Variants in APOLD1 observed in about 807,000 individuals in gnomAD.
APOLD1 encodes apolipoprotein L domain-containing protein 1.
In APOLD1, 22 loss-of-function variants were observed where a neutral mutation model predicts 15.3. The ratio of observed to expected loss-of-function variants is 1.44; its 90% CI spans 1.03 to 2.05. The LOEUF (loss-of-function observed/expected upper bound fraction) is 2.05, where lower values mean the gene tolerates loss of function less well. APOLD1 is among the 30% of genes most tolerant of loss of function. The pLI, the probability that APOLD1 is intolerant of heterozygous loss-of-function variation, is 0.00. For missense variants in APOLD1, 394 were observed against 353.5 expected (o/e 1.11, Z -0.92); for synonymous variants, 190 against 167.4 (o/e 1.13, Z -1.04).
chr12:12,777,262 C>T (rs1947043650), intron 1 of APOLD1, among the ~76,000 whole-genome samples: 1 of 152,196 alleles, frequency 6.6e-6, no homozygotes, highest in South Asian at 2.1e-4. Context: ...GGCACTTGAC[C>T]TAAGCTCAGC....
rs761360161 is a variant in APOLD1, at chr12:12,785,663, T to C, written c.-29T>C. ...CACTCATCCAGAAACAGCCTCAGAT[T>C]TTACTTTCCTGGAGGCAGACAGAAG... On this transcript the variant is annotated 5_prime_UTR_variant, in exon 1 of 2. Coordinates refer to ENST00000356591, the MANE Select transcript of APOLD1 (RefSeq NM_030817.3). The C allele has an allele frequency of 5.0e-6, 8 of 1,614,048 alleles. No homozygotes were observed. The South Asian group carries it at 6.6e-5, about 13-fold the overall frequency.
In APOLD1 at chr12:12,738,202, CT is replaced by C. The variant is rs71436733; in HGVS notation, c.96+12126del. On this transcript the variant is annotated intron_variant, in intron 1 of 1. Coordinates refer to the APOLD1 transcript ENST00000326765. Reference sequence around the variant, plus strand: ...CCATACTCACCAGAGCAAGCAAGTCCTTTTTTTTTTTTTTTTTTTTAAGACA... The same window carrying C: ...CCATACTCACCAGAGCAAGCAAGTCCTTTTTTTTTTTTTTTTTTTAAGACA... Among the ~76,000 whole-genome samples, 412 of 117,538 alleles carry C rather than the reference CT, an allele frequency of 3.5e-3. 2 individuals carry two copies. The highest frequency in any genetic ancestry group is 0.011 in the African/African-American group (335 of 31,470). The allele number at this position is 117,538 out of a possible 152,430, so 77.1% of individuals were successfully genotyped here. A position where few individuals can be genotyped will look rare whatever the true frequency, so the allele number is the denominator to read the frequency against.
At chr12:12,774,038 C>G (rs1947008683) in intron 1 of APOLD1, among the ~76,000 whole-genome samples, 1 of 152,052 alleles carries the variant, frequency 6.6e-6, no homozygotes, top group Non-Finnish European at 1.5e-5. Context: ...TTGGTGATTA[C>G]TTTTCAGATA....
At chr12:12,751,646 C>T (rs1946813109) in intron 1 of APOLD1, among the ~76,000 whole-genome samples, 1 of 152,226 alleles carries the variant, frequency 6.6e-6, no homozygotes, top group Non-Finnish European at 1.5e-5. Context: ...CCAGCACGCC[C>T]ACCCAGGAGT....
At chr12:12,773,478 C>T (rs1011088137) in intron 1 of APOLD1, among the ~76,000 whole-genome samples, 3 of 152,294 alleles carry the variant, frequency 2.0e-5, no homozygotes, top group African/African-American at 4.8e-5. Context: ...GGGAGAATCA[C>T]TTGAACCCAA....
chr12:12,735,952 T>G (rs1946681717), intron 1 of APOLD1, among the ~76,000 whole-genome samples: 2 of 151,376 alleles, frequency 1.3e-5, no homozygotes, highest in South Asian at 2.1e-4. Context: ...GTCTCTAAAC[T>G]AAAATAAAAT....
chr12:12,787,099 C>T lies in APOLD1; in HGVS notation c.194C>T (p.Thr65Met), dbSNP rs1445058620. Residue 65 changes from threonine (T) to methionine (M), a missense_variant, in exon 2 of 2, where the codon ACG (threonine) becomes ATG (methionine). By Grantham distance (81) the Thr-to-Met change is moderately conservative. Coordinates refer to ENST00000356591, the MANE Select transcript of APOLD1 (RefSeq NM_030817.3). This position sits in a 1 kb window ranked among gnomAD's most constrained non-coding sequence, Gnocchi z 4.9. ...GTGGCCGGCAGCTCGCTGAGCGCAA[C>T]GGGCGCCCTCGCCGCCATCGTGGGG... Reference protein sequence around the residue: ...ANVAGSSLSATGALAAIVGLS... With the variant: ...ANVAGSSLSAMGALAAIVGLS... 2.8e-5 allele frequency: 40 copies of T among 1,411,648 alleles called. No homozygotes were observed. The highest frequency in any genetic ancestry group is 3.5e-5 in the Non-Finnish European group (38 of 1,093,774). 87.4% of individuals were successfully genotyped at this position (1,411,648 alleles called of 1,614,324 possible).
At chr12:12,746,386 C>T (rs1433331859) in intron 1 of APOLD1, among the ~76,000 whole-genome samples, 1 of 152,186 alleles carries the variant, frequency 6.6e-6, no homozygotes, top group Admixed American at 6.5e-5. Flanking sequence ...ATCCCAGCTA[C>T]TCAGGAGGCT....
chr12:12,780,468 G>A (rs191104400), intron 1 of APOLD1, among the ~76,000 whole-genome samples: 2 of 152,018 alleles, frequency 1.3e-5, no homozygotes, highest in East Asian at 1.9e-4. Flanking sequence ...GTGCCTGGCC[G>A]AATTTATTTT....
chr12:12,728,941 G>C (rs1474678392), intron 1 of APOLD1, among the ~76,000 whole-genome samples: 1 of 152,132 alleles, frequency 6.6e-6, no homozygotes, highest in East Asian at 1.9e-4. Context: ...ACATGACAAA[G>C]ATGGCAGTCC....
At chr12:12,743,722 G>C (rs1403691042) in intron 1 of APOLD1, among the ~76,000 whole-genome samples, 3 of 152,230 alleles carry the variant, frequency 2.0e-5, no homozygotes, top group Admixed American at 6.5e-5. Context: ...AAAATTGGGA[G>C]AGTATCTTGG....
chr12:12,753,604 G>C (rs1271384382), intron 1 of APOLD1, among the ~76,000 whole-genome samples: 1 of 152,162 alleles, frequency 6.6e-6, no homozygotes, highest in African/African-American at 2.4e-5. Flanking sequence ...AGGAGGTCGA[G>C]GTGGTAGCAG....
At chr12:12,760,063 T>C (rs1243321963) in intron 1 of APOLD1, among the ~76,000 whole-genome samples, 1 of 152,210 alleles carries the variant, frequency 6.6e-6, no homozygotes, top group Non-Finnish European at 1.5e-5. Flanking sequence ...AAAAAACTTG[T>C]GTCCAGCTCA....
At position 12,728,437 on chromosome 12, in the gene APOLD1, G is replaced by A. The variant is rs561498664; in HGVS notation, c.96+2341G>A. Among the ~76,000 whole-genome samples the A allele has an allele frequency of 4.6e-5, 7 of 152,032 alleles. No individual in the cohort carries two copies. In the East Asian group the frequency reaches 9.7e-4, roughly 21 times the overall value. On this transcript the variant is annotated intron_variant, in intron 1 of 1. Transcript: ENST00000326765. ...TCCGCACACTTTGGGAGGCTGAGGCGGGCAGATCGCTTGAACTCAGGAGTT... is the reference window on the plus strand; with the variant it reads ...TCCGCACACTTTGGGAGGCTGAGGCAGGCAGATCGCTTGAACTCAGGAGTT...
intron 1 of APOLD1, among the ~76,000 whole-genome samples, chr12:12,729,653 T>C (rs1203255304): frequency 1.3e-5 from 2 of 152,030 alleles, no homozygotes; most frequent in African/African-American, 4.8e-5. Flanking sequence ...TAAGCTATTC[T>C]GGAGGCTGAG....
chr12:12,774,579 G>T (rs137985464), intron 1 of APOLD1, among the ~76,000 whole-genome samples: 168 of 76,290 alleles, frequency 2.2e-3, no homozygotes, highest in African/African-American at 6.5e-3. Flanking sequence ...AAAAAAGAAA[G>T]AAAAGAAAAG....
chr12:12,787,319 C>T lies in APOLD1; in HGVS notation c.414C>T (p.Leu138=), dbSNP rs1947138861. ...AGATGCGAGAGATCCTGAGCTGCCT[C>T]GAGTTTTTCTGCCGCTGGCAGGGCT... is the stretch of plus-strand genomic sequence containing the variant. ...QDQMREILSC[L]EFFCRWQGCG... is the part of the protein sequence containing the mutation. The change falls in exon 2 of 2, where the codon CTC becomes CTT. Residue 138 remains leucine (L), a synonymous_variant. Coordinates refer to ENST00000356591, the MANE Select transcript of APOLD1 (RefSeq NM_030817.3). The surrounding 1 kb of genome is among the most constrained non-coding windows in gnomAD (Gnocchi z 4.9). 1 of 1,613,440 alleles carries T rather than the reference C, an allele frequency of 6.2e-7. No homozygotes were observed. Among genetic ancestry groups the T allele is most frequent in the Non-Finnish European group, 8.5e-7 (1 of 1,179,954 alleles).
At chr12:12,750,391 A>C (rs1223534629) in intron 1 of APOLD1, among the ~76,000 whole-genome samples, 2 of 151,580 alleles carry the variant, frequency 1.3e-5, no homozygotes, top group African/African-American at 4.8e-5. Flanking sequence ...AAAAAAAAAA[A>C]AAAGGAAATT....
rs137944371 is a variant in APOLD1, at chr12:12,727,077, C to G, written c.96+981C>G. 4.1e-3 allele frequency among the ~76,000 whole-genome samples: 629 copies of G among 152,302 alleles called. 3 individuals are homozygous for G. The highest frequency in any genetic ancestry group is 0.014 in the African/African-American group (582 of 41,552). Reference sequence around the variant, plus strand: ...TGATTTCAAAGTCTATTCCAGACCCCTGTGAAACTGTATTTCCAACCTTGG... The same window carrying G: ...TGATTTCAAAGTCTATTCCAGACCCGTGTGAAACTGTATTTCCAACCTTGG... On this transcript the variant is annotated intron_variant, in intron 1 of 1. Transcript: ENST00000326765.
Sources: gnomAD v4.1 joint callset for allele counts (sites outside exome capture counted in the v4.1 genomes callset) on GRCh38, gnomAD v4.1.1 for gene constraint, Gnocchi (gnomAD v3.1) non-coding constraint, MANE v1.5 for transcripts, NCBI Gene and HGNC (gene_info 2026-07-23, HGNC 2026-07-21) for gene names.